Variants in ATF2 observed in about 807,000 individuals in gnomAD.
The protein encoded by ATF2 is cyclic AMP-dependent transcription factor ATF-2.
Under a neutral mutation model 60.6 loss-of-function variants are expected in ATF2, and 24 were observed. That is an observed-to-expected ratio of 0.40 (90% CI 0.29 to 0.56). ATF2 has a LOEUF of 0.56. ATF2 is among the 20% of genes least tolerant of loss of function. ATF2 has a pLI of 0.54. For missense variants in ATF2, 433 were observed against 607.7 expected (o/e 0.71, Z 3.02); for synonymous variants, 206 against 215.4 (o/e 0.96, Z 0.38).
chr2:175,126,772 A>C (rs1697366135), intron 4 of ATF2: 1 of 152,170 alleles, frequency 6.6e-6, no homozygotes, highest in African/African-American at 2.4e-5. Flanking sequence ...TGATATCTAG[A>C]ACATGTCAAA....
At chr2:175,158,491 A>T (rs1190731279) in intron 1 of ATF2, among the ~76,000 whole-genome samples, 1 of 152,128 alleles carries the variant, frequency 6.6e-6, no homozygotes, top group African/African-American at 2.4e-5. Flanking sequence ...GGATAATTTT[A>T]AAATGGATAA....
chr2:175,166,489 G>A (rs1024685921), intron 1 of ATF2, among the ~76,000 whole-genome samples: 6 of 152,062 alleles, frequency 3.9e-5, no homozygotes, highest in African/African-American at 1.4e-4. Flanking sequence ...TATTTAAAAC[G>A]TATTTTACAA....
chr2:175,106,326 T>C (rs1695660758), intron 10 of ATF2, among the ~76,000 whole-genome samples: 1 of 151,386 alleles, frequency 6.6e-6, no homozygotes, highest in South Asian at 2.1e-4. Flanking sequence ...AGGTCAGGAG[T>C]TTGAGACCAG....
At chr2:175,146,757 G>A (rs527743862) in intron 2 of ATF2, among the ~76,000 whole-genome samples, 1 of 152,186 alleles carries the variant, frequency 6.6e-6, no homozygotes, top group East Asian at 1.9e-4. Flanking sequence ...GCTTCGTCAA[G>A]CACATCCAGG....
intron 12 of ATF2, among the ~76,000 whole-genome samples, chr2:175,091,961 A>C (rs1694582926): frequency 6.6e-6 from 1 of 152,230 alleles, no homozygotes; most frequent in South Asian, 2.1e-4. Flanking sequence ...GTGATGTGGT[A>C]AGTTGTATTA....
rs1307215241 is a variant in ATF2, at chr2:175,108,291, G to A, written c.828+3277C>T. ...CGTCTGGGAAGCCAGGAGCGTCTCC[G>A]TCCGGCAGCCACCCCGTCCGGGAGG... On this transcript the variant is annotated intron_variant, in intron 10 of 13. Coordinates refer to ENST00000264110, the MANE Select transcript of ATF2 (RefSeq NM_001880.4). 2.6e-5 allele frequency among the ~76,000 whole-genome samples: 4 copies of A among 151,972 alleles called. No individual in the cohort carries two copies. In the East Asian group the frequency reaches 5.9e-4, roughly 22 times the overall value.
intron 12 of ATF2, among the ~76,000 whole-genome samples, chr2:175,090,561 C>G (rs1342615634): frequency 6.6e-6 from 1 of 151,890 alleles, no homozygotes; most frequent in Non-Finnish European, 1.5e-5. Context: ...CATTTTGGAT[C>G]CTATTTTAAA....
At chr2:175,086,921 C>T (rs1694209330) in intron 12 of ATF2, among the ~76,000 whole-genome samples, 1 of 152,010 alleles carries the variant, frequency 6.6e-6, no homozygotes, top group Non-Finnish European at 1.5e-5. Context: ...GGCTGCTACA[C>T]AAATATAATG....
At chr2:175,114,638 CA>C (rs766718969) in intron 8 of ATF2, 51 bp downstream of exon 8, 51 of 1,570,116 alleles carry the variant, frequency 3.2e-5, no homozygotes, top group Non-Finnish European at 4.3e-5. Context: ...AAAATCATTA[CA>C]AAACAAACTT....
At chr2:175,112,846 A>T (rs1696292730) in intron 9 of ATF2, among the ~76,000 whole-genome samples, 1 of 152,186 alleles carries the variant, frequency 6.6e-6, no homozygotes, top group African/African-American at 2.4e-5. Context: ...TGGTCTCCCA[A>T]AGTGCTGGGA....
chr2:175,080,609 C>T (rs754929794), intron 13 of ATF2, 51 bp downstream of exon 13: 24 of 1,381,044 alleles, frequency 1.7e-5, no homozygotes, highest in Admixed American at 5.5e-5. Flanking sequence ...TTCACTCTGA[C>T]GGTATTTCAC....
Position 175,093,076 on chromosome 2 carries a change from T to C in ATF2, c.1170A>G (p.Leu390=). 6.2e-7 allele frequency: 1 copy of C among 1,614,142 alleles called. No individual in the cohort carries two copies. Among genetic ancestry groups the C allele is most frequent in the Non-Finnish European group, 8.5e-7 (1 of 1,180,010 alleles). The stretch of plus-strand genomic sequence containing the variant: ...TGCACCATACCTGCAGCTGACCATT[T>C]AATGAACTCAAGTCTTCAGCTTTCT... The part of the protein sequence containing the change: ...LEKKAEDLSS[L]NGQLQSEVTL... The change falls in exon 12 of 14, where the codon TTA becomes TTG. Residue 390 remains leucine, a synonymous_variant. Coordinates refer to ENST00000264110, the MANE Select transcript of ATF2 (RefSeq NM_001880.4).
At chr2:175,093,822 G>A (rs182905195) in intron 11 of ATF2, among the ~76,000 whole-genome samples, 5 of 152,168 alleles carry the variant, frequency 3.3e-5, no homozygotes, top group Admixed American at 3.3e-4. Context: ...TTCAGTTTGT[G>A]AAATTTAGGG....
intron 2 of ATF2, among the ~76,000 whole-genome samples, chr2:175,137,067 A>T (rs1652379118): frequency 6.6e-6 from 1 of 152,204 alleles, no homozygotes; most frequent in African/African-American, 2.4e-5. Context: ...GGTAAATAAG[A>T]GTAACTATGT....
At chr2:175,078,813 C>G (rs761550895) in intron 13 of ATF2, among the ~76,000 whole-genome samples, 1 of 152,132 alleles carries the variant, frequency 6.6e-6, no homozygotes, top group Non-Finnish European at 1.5e-5. Flanking sequence ...TACTACACAA[C>G]AGAGAAGTCA....
chr2:175,103,675 C>CT (rs1365222609), intron 10 of ATF2, among the ~76,000 whole-genome samples: 2 of 132,102 alleles, frequency 1.5e-5, no homozygotes, highest in African/African-American at 5.9e-5. Context: ...TGTCACACAT[C>CT]TTAAAAAAAA....
intron 12 of ATF2, chr2:175,092,323 C>A (rs1051403408): frequency 4.5e-5 from 7 of 156,274 alleles, no homozygotes; most frequent in South Asian, 1.9e-4. Flanking sequence ...TCATTAACAT[C>A]AATTTTCTGG....
At chr2:175,134,926 C>T (rs11884824) in intron 3 of ATF2, among the ~76,000 whole-genome samples, 13,877 of 150,682 alleles carry the variant, frequency 0.092, 677 homozygotes, top group Middle Eastern at 0.17. Flanking sequence ...ATCTCTTGAG[C>T]CCAGGAGGTC....
chr2:175,083,482 C>T (rs940663002), intron 12 of ATF2, among the ~76,000 whole-genome samples: 6 of 152,226 alleles, frequency 3.9e-5, no homozygotes, highest in African/African-American at 1.2e-4. Context: ...CTTACTTATA[C>T]AAAAATTAAC....
Sources: allele counts gnomAD v4.1 joint callset (sites outside exome capture counted in the v4.1 genomes callset), GRCh38; gene constraint gnomAD v4.1.1; transcripts MANE v1.5; gene names NCBI Gene and HGNC (gene_info 2026-07-23, HGNC 2026-07-21).